Variants in PCDHGB6 observed in about 807,000 individuals in gnomAD.
The protein encoded by PCDHGB6 is protocadherin gamma subfamily B, 6, also known as protocadherin gamma-B6.
PCDHGB6 carries 51 observed loss-of-function variants against 59.1 expected under a neutral mutation model. The ratio of observed to expected loss-of-function variants is 0.86; its 90% CI spans 0.69 to 1.09. The LOEUF is 1.09. PCDHGB6 is among the 50% of genes least tolerant of loss of function. The pLI is 0.00. For synonymous variants in PCDHGB6, 466 were observed against 495.1 expected, an observed-to-expected ratio of 0.94 and a Z score of 0.78; for missense variants, 1,148 against 1,205.1, an observed-to-expected ratio of 0.95 and a Z score of 0.70.
rs1269660369 is a variant in PCDHGB6 at position 141,408,454 on chromosome 5, A to T, written c.252A>T (p.Leu84Phe). The change falls in exon 1 of 4, where the codon TTA (leucine) becomes TTT (phenylalanine). Residue 84 changes from leucine (L) to phenylalanine (F), a missense_variant. Transcript: ENST00000520790. ...GCGTAGACGCGGAGAGCGGGGACTT[A>T]CTTGTGAAGAACCGAATAGACCGTG... ...HFSVDAESGD[L>F]LVKNRIDREQ... The T allele has an allele frequency of 4.3e-6, 7 of 1,613,934 alleles. No homozygotes were observed. The African/African-American group carries it at 9.3e-5, about 22-fold the overall frequency.
At chr5:141,418,746 A>G in intron 1 of PCDHGB6, 1 of 1,613,974 alleles carries the variant, frequency 6.2e-7, no homozygotes, top group Non-Finnish European at 8.5e-7. Context: ...TCTCTGGATT[A>G]CACTACAGGA....
At chr5:141,423,219 T>C (rs775170753) in intron 1 of PCDHGB6, 3 of 1,613,752 alleles carry the variant, frequency 1.9e-6, no homozygotes, top group Admixed American at 1.7e-5. Flanking sequence ...TCACCGTGGC[T>C]GTGGCCGACA....
At position 141,491,052 on chromosome 5, in the gene PCDHGB6, G is replaced by A. The variant is rs2099707642; in HGVS notation, c.2419-3755G>A. ...ATGCTGATGCAGGCCACAATGCGTG[G>A]CTCTCCTACTCACTGTTGCCACAGT... On this transcript the variant is annotated intron_variant, in intron 1 of 3. Transcript: ENST00000520790. The surrounding 1 kb of genome is among the most constrained non-coding windows in gnomAD (Gnocchi z 6.9). 3.1e-6 allele frequency: 5 copies of A among 1,614,038 alleles called. No individual in the cohort carries two copies. The highest frequency in any genetic ancestry group is 4.2e-6 in the Non-Finnish European group (5 of 1,180,032).
At chr5:141,414,118 G>C (rs559064215) in intron 1 of PCDHGB6, 1 of 1,592,490 alleles carries the variant, frequency 6.3e-7, no homozygotes, top group Admixed American at 1.8e-5. Flanking sequence ...AGATTATGAA[G>C]AAACCGGTTT....
chr5:141,431,767 T>C lies in PCDHGB6; in HGVS notation c.2418+21147T>C. The C allele has an allele frequency of 1.2e-6, 2 of 1,614,224 alleles. No homozygotes were observed. Among genetic ancestry groups the C allele is most frequent in the Non-Finnish European group, 1.7e-6 (2 of 1,180,034 alleles). ...CTGCGCGAGCCAAAGTCCTGATCAC[T>C]GTTCTGGACGTGAACGACAATGCCC... On this transcript the variant is annotated intron_variant, in intron 1 of 3. Coordinates refer to ENST00000520790, the MANE Select transcript of PCDHGB6 (RefSeq NM_018926.3). This position sits in a 1 kb window ranked among gnomAD's most constrained non-coding sequence, Gnocchi z 4.8.
intron 1 of PCDHGB6, chr5:141,419,481 C>A (rs2096389716): frequency 2.5e-6 from 4 of 1,612,424 alleles, no homozygotes; most frequent in Non-Finnish European, 3.4e-6. Context: ...GGCTCGCCCG[C>A]GCTCAGCGCC....
intron 1 of PCDHGB6, chr5:141,423,007 G>C (rs772337723): frequency 1.9e-6 from 3 of 1,614,242 alleles, no homozygotes; most frequent in Non-Finnish European, 2.5e-6. Flanking sequence ...CAAGGTGGTT[G>C]CGGTGGACAA....
At position 141,485,968 on chromosome 5, in the gene PCDHGB6, T is replaced by C; in HGVS notation, c.2419-8839T>C. On this transcript the variant is annotated intron_variant, in intron 1 of 3. Coordinates refer to ENST00000520790, the MANE Select transcript of PCDHGB6 (RefSeq NM_018926.3). The surrounding 1 kb of genome is among the most constrained non-coding windows in gnomAD (Gnocchi z 5.7). The stretch of plus-strand genomic sequence containing the variant: ...CGGGCATGGTGCTCATCCAGCTCAA[T>C]GCCTCAGACCCGGACCTGGGTCCCA... 6.2e-7 allele frequency: 1 copy of C among 1,614,216 alleles called. No homozygotes were observed. The highest frequency in any genetic ancestry group is 1.1e-5 in the South Asian group (1 of 91,088).
At chr5:141,444,670 C>G (rs1174911888) in intron 1 of PCDHGB6, among the ~76,000 whole-genome samples, 1 of 152,052 alleles carries the variant, frequency 6.6e-6, no homozygotes, top group African/African-American at 2.4e-5. Context: ...CCATTTTTTT[C>G]AATACCATTT....
Position 141,431,442 on chromosome 5 carries a change from T to G in PCDHGB6, c.2418+20822T>G. 6.2e-7 allele frequency: 1 copy of G among 1,613,746 alleles called. No individual in the cohort carries two copies. The highest frequency in any genetic ancestry group is 1.7e-5 in the Admixed American group (1 of 60,014). The stretch of plus-strand genomic sequence containing the variant: ...CCGGTGCGCACAGGCACCGCGCGCA[T>G]CCGCGTGATGGTTCTGGATGCGAAC... On this transcript the variant is annotated intron_variant, in intron 1 of 3. Coordinates refer to ENST00000520790, the MANE Select transcript of PCDHGB6 (RefSeq NM_018926.3). This position sits in a 1 kb window ranked among gnomAD's most constrained non-coding sequence, Gnocchi z 4.8.
chr5:141,459,574 T>G (rs1163443021), intron 1 of PCDHGB6, among the ~76,000 whole-genome samples: 6 of 152,226 alleles, frequency 3.9e-5, no homozygotes, highest in African/African-American at 1.4e-4. Flanking sequence ...AAAACAGAAT[T>G]GTTTTGGGGG....
In PCDHGB6 at chr5:141,490,347, G is replaced by T; in HGVS notation, c.2419-4460G>T. On this transcript the variant is annotated intron_variant, in intron 1 of 3. Coordinates refer to ENST00000520790, the MANE Select transcript of PCDHGB6 (RefSeq NM_018926.3). This position sits in a 1 kb window ranked among gnomAD's most constrained non-coding sequence, Gnocchi z 5.4. ...AGAGCACACCAGTGGGCACAGTAGT[G>T]GGGTTGTTTAATGTGCGAGACCGGG... 1 of 1,614,180 alleles carries T rather than the reference G, an allele frequency of 6.2e-7. No homozygotes were observed.
chr5:141,413,651 C>T (rs377135032), intron 1 of PCDHGB6: 16 of 1,613,658 alleles, frequency 9.9e-6, no homozygotes, highest in Non-Finnish European at 8.5e-6. Context: ...TTTCCTCTCC[C>T]GGAAGCTATT....
intron 1 of PCDHGB6, chr5:141,414,230 CCAT>C: frequency 6.2e-7 from 1 of 1,613,308 alleles, no homozygotes; most frequent in Non-Finnish European, 8.5e-7. Context: ...CCAGAGCTGA[CCAT>C]CACGTCTCTA....
intron 1 of PCDHGB6, chr5:141,417,652 GCCTGGGATTC>G: frequency 2.4e-6 from 2 of 840,506 alleles, no homozygotes; most frequent in Non-Finnish European, 3.5e-6. Context: ...TCAGCCTCTA[GCCTGGGATTC>G]CCTGCGCAGC....
intron 1 of PCDHGB6, chr5:141,422,694 T>C: frequency 6.2e-7 from 1 of 1,603,912 alleles, no homozygotes; most frequent in Non-Finnish European, 8.5e-7. Context: ...CCCTGGTCAC[T>C]TACTCTCTGA....
In PCDHGB6 at chr5:141,493,145, AG is replaced by A. The variant is rs11350413; in HGVS notation, c.2419-1660del. Among the ~76,000 whole-genome samples the A allele has an allele frequency of 0.17, 26,475 of 152,128 alleles. 2,528 individuals carry two copies. The highest frequency in any genetic ancestry group is 0.28 in the Admixed American group (4,206 of 15,272). ...TAGGACTGTATTTTGAAACACCCCC[AG>A]GTGATTTTGATAGCTGATTGAGAGA... is the stretch of plus-strand genomic sequence containing the variant. On this transcript the variant is annotated intron_variant, in intron 1 of 3. Transcript: ENST00000520790. The surrounding 1 kb of genome is among the most constrained non-coding windows in gnomAD (Gnocchi z 4.3).
rs2099727742 is a variant in PCDHGB6 at position 141,491,740 on chromosome 5, G to C, written c.2419-3067G>C. On this transcript the variant is annotated intron_variant, in intron 1 of 3. Coordinates refer to ENST00000520790, the MANE Select transcript of PCDHGB6 (RefSeq NM_018926.3). The surrounding 1 kb of genome is among the most constrained non-coding windows in gnomAD (Gnocchi z 6.9). Reference sequence around the variant, plus strand: ...GCCGCCCCGGGCGACCCCTGGGGGCGGCACTGGAGAAGCCGCCCGTCCTCA... The same window carrying C: ...GCCGCCCCGGGCGACCCCTGGGGGCCGCACTGGAGAAGCCGCCCGTCCTCA... The C allele has an allele frequency of 6.3e-7, 1 of 1,597,622 alleles. No homozygotes were observed. The highest frequency in any genetic ancestry group is 8.5e-7 in the Non-Finnish European group (1 of 1,173,228).
intron 1 of PCDHGB6, chr5:141,415,883 G>C: frequency 1.0e-6 from 1 of 984,090 alleles, no homozygotes; most frequent in Non-Finnish European, 1.4e-6. Context: ...GTACAATATT[G>C]ACAATTCCTA....
Sources: gnomAD v4.1 joint callset for allele counts (sites outside exome capture counted in the v4.1 genomes callset) on GRCh38, gnomAD v4.1.1 for gene constraint, Gnocchi (gnomAD v3.1) non-coding constraint, MANE v1.5 for transcripts, NCBI Gene and HGNC (gene_info 2026-07-23, HGNC 2026-07-21) for gene names.